Variants in KRAS observed in about 807,000 individuals in gnomAD.
KRAS encodes the protein KRas proto-oncogene, GTPase.
A neutral mutation model predicts 21.0 loss-of-function variants in KRAS; 1 was observed. That is an observed-to-expected ratio of 0.05 (90% CI 0.02 to 0.23). The LOEUF is 0.23. Ranked by LOEUF, KRAS falls within the 10% of genes least tolerant of loss-of-function variation. The probability of loss-of-function intolerance (pLI) is 1.00; values close to 1 mark genes in which losing one functional copy is unlikely to be tolerated. For synonymous variants in KRAS, 67 were observed against 72.5 expected (o/e 0.92, Z 0.39); for missense variants, 107 against 221.8 (o/e 0.48, Z 3.29).
intron 1 of KRAS, among the ~76,000 whole-genome samples, chr12:25,246,834 G>A (rs1341845247): frequency 6.7e-6 from 1 of 149,442 alleles, no homozygotes; most frequent in Non-Finnish European, 1.5e-5. Flanking sequence ...GAAGAATGGC[G>A]TGAACCCAGG....
chr12:25,235,942 C>G (rs1232683944), intron 2 of KRAS, among the ~76,000 whole-genome samples: 1 of 152,148 alleles, frequency 6.6e-6, no homozygotes, highest in Non-Finnish European at 1.5e-5. Flanking sequence ...GGGCAGTTCA[C>G]AACACGGTTC....
chr12:25,228,446 T>G (rs377239702), intron 2 of KRAS, among the ~76,000 whole-genome samples: 1 of 152,074 alleles, frequency 6.6e-6, no homozygotes. Context: ...TGCTTCAACC[T>G]GTATATACAT....
chr12:25,238,589 G>A lies in KRAS; in HGVS notation c.111+6685C>T, dbSNP rs148168455. Reference sequence around the variant, plus strand: ...GTATTTACTTTTCCCCCAGCCCAATGGTATAAGCTTATTTTAAAAAACTAA... The same window carrying A: ...GTATTTACTTTTCCCCCAGCCCAATAGTATAAGCTTATTTTAAAAAACTAA... On this transcript the variant is annotated intron_variant, in intron 2 of 4. Coordinates refer to ENST00000311936, the MANE Select transcript of KRAS (RefSeq NM_004985.5). Among the ~76,000 whole-genome samples the A allele has an allele frequency of 1.3e-4, 20 of 152,098 alleles. No individual in the cohort carries two copies. The East Asian group carries it at 2.9e-3, about 22-fold the overall frequency.
intron 1 of KRAS, among the ~76,000 whole-genome samples, chr12:25,248,279 G>A (rs1159249901): frequency 6.6e-6 from 1 of 152,216 alleles, no homozygotes; most frequent in East Asian, 2.0e-4. Flanking sequence ...TGGCCAACAT[G>A]GTGAAATCCC....
At chr12:25,239,447 A>C (rs1951583294) in intron 2 of KRAS, among the ~76,000 whole-genome samples, 1 of 152,246 alleles carries the variant, frequency 6.6e-6, no homozygotes. Flanking sequence ...AAAAATATTT[A>C]TCCAAATTCC....
chr12:25,224,499 T>G (rs1411357048), intron 4 of KRAS, among the ~76,000 whole-genome samples: 2 of 152,254 alleles, frequency 1.3e-5, no homozygotes, highest in East Asian at 3.8e-4. Flanking sequence ...AAAGAAAAAT[T>G]TGTATAGCTG....
intron 2 of KRAS, among the ~76,000 whole-genome samples, chr12:25,243,484 T>C (rs1480943962): frequency 1.3e-5 from 2 of 152,228 alleles, no homozygotes; most frequent in East Asian, 3.8e-4. Context: ...GCTTAACTGT[T>C]AGCTTTATTT....
intron 4 of KRAS, among the ~76,000 whole-genome samples, chr12:25,211,568 ACT>A (rs1453892509): frequency 6.6e-6 from 1 of 151,962 alleles, no homozygotes; most frequent in East Asian, 1.9e-4. Context: ...ACAGAGCATG[ACT>A]CTGTCTCAAA....
intron 2 of KRAS, among the ~76,000 whole-genome samples, chr12:25,244,979 T>C (rs1386859603): frequency 6.6e-6 from 1 of 152,294 alleles, no homozygotes; most frequent in South Asian, 2.1e-4. Flanking sequence ...AATAAAAAGA[T>C]TGTCTTTTAG....
At chr12:25,245,421 G>A (rs2135806471) in intron 1 of KRAS, 26 bp from the exon 2 acceptor site, 1 of 1,568,306 alleles carries the variant, frequency 6.4e-7, no homozygotes, top group South Asian at 1.2e-5. Flanking sequence ...ATGAAAATGT[G>A]ACTATATTAG....
chr12:25,210,090 T>C (rs1951186952), intron 4 of KRAS, among the ~76,000 whole-genome samples, 179 bp from the exon 5 acceptor site: 3 of 152,176 alleles, frequency 2.0e-5, no homozygotes, highest in Admixed American at 2.0e-4. Context: ...TCCGCATAGG[T>C]GTTTTGTCAA....
At chr12:25,248,121 A>G (rs868619422) in intron 1 of KRAS, among the ~76,000 whole-genome samples, 1 of 151,972 alleles carries the variant, frequency 6.6e-6, no homozygotes, top group Non-Finnish European at 1.5e-5. Flanking sequence ...TCAGTCTCCC[A>G]AAGTGCTGGG....
chr12:25,228,942 C>T (rs1951429444), intron 2 of KRAS, among the ~76,000 whole-genome samples: 1 of 152,050 alleles, frequency 6.6e-6, no homozygotes, highest in Non-Finnish European at 1.5e-5. Flanking sequence ...GCCTGTAGTC[C>T]CAGCTACTCA....
chr12:25,221,650 C>T lies in KRAS; in HGVS notation c.450+3964G>A, dbSNP rs577590609. Among the ~76,000 whole-genome samples, 9 of 152,238 alleles carry T rather than the reference C, an allele frequency of 5.9e-5. No homozygotes were observed. The South Asian group carries it at 1.7e-3, about 28-fold the overall frequency. ...TGGCCCTCAAAGCCTAAAACATTTACTATCTTGGCCCTTTACAGAAAATAT... is the reference window on the plus strand; with the variant it reads ...TGGCCCTCAAAGCCTAAAACATTTATTATCTTGGCCCTTTACAGAAAATAT... On this transcript the variant is annotated intron_variant, in intron 4 of 4. Coordinates refer to ENST00000311936, the MANE Select transcript of KRAS (RefSeq NM_004985.5).
At chr12:25,215,375 C>A in intron 4 of KRAS, 2 of 1,607,124 alleles carry the variant, frequency 1.2e-6, no homozygotes. Context: ...GTGGTTGCCA[C>A]CTTGTTACCT....
intron 2 of KRAS, among the ~76,000 whole-genome samples, chr12:25,239,596 CAG>C (rs1168336575): frequency 2.6e-5 from 4 of 152,162 alleles, no homozygotes; most frequent in East Asian, 1.9e-4. Flanking sequence ...CAAGGAGAAA[CAG>C]GGTAGAACCA....
At chr12:25,235,947 C>T (rs1263011050) in intron 2 of KRAS, among the ~76,000 whole-genome samples, 1 of 152,136 alleles carries the variant, frequency 6.6e-6, no homozygotes, top group Non-Finnish European at 1.5e-5. Flanking sequence ...GTTCACAACA[C>T]GGTTCACGCT....
At chr12:25,229,038 A>G (rs548884467) in intron 2 of KRAS, among the ~76,000 whole-genome samples, 48 of 152,306 alleles carry the variant, frequency 3.2e-4, no homozygotes, top group Non-Finnish European at 3.7e-4. Flanking sequence ...CAGCCTGGCA[A>G]CAGAGCAAGG....
At chr12:25,229,757 A>G (rs1237713784) in intron 2 of KRAS, among the ~76,000 whole-genome samples, 2 of 143,034 alleles carry the variant, frequency 1.4e-5, no homozygotes, top group Admixed American at 7.6e-5. Context: ...TGTAGGCTAT[A>G]GTATTAATGT....
Sources: allele counts gnomAD v4.1 joint callset (sites outside exome capture counted in the v4.1 genomes callset), GRCh38; gene constraint gnomAD v4.1.1; transcripts MANE v1.5; gene names NCBI Gene and HGNC (gene_info 2026-07-23, HGNC 2026-07-21).